Variants in BIN3 observed in about 807,000 individuals in gnomAD.
The protein encoded by BIN3 is bridging integrator 3.
BIN3 carries 41 observed loss-of-function variants against 38.2 expected under a neutral mutation model. That is an observed-to-expected ratio of 1.07 (90% confidence interval 0.84 to 1.39). The LOEUF (loss-of-function observed/expected upper bound fraction) is 1.39. Ranked by LOEUF, BIN3 falls within the 40% of genes most tolerant of loss-of-function variation. BIN3 has a pLI of 0.00. For missense variants in BIN3, 361 were observed against 324.3 expected (o/e 1.11, Z -0.87); for synonymous variants, 145 against 122.6 (o/e 1.18, Z -1.21).
chr8:22,644,687 T>G, intron 2 of BIN3, 68 bp downstream of exon 2: 1 of 1,475,110 alleles, frequency 6.8e-7, no homozygotes, highest in Middle Eastern at 1.7e-4. Flanking sequence ...GATTCAAAGC[T>G]TTGATTCTTA....
At position 22,636,560 on chromosome 8, in the gene BIN3, T is replaced by C. The variant is rs766940903; in HGVS notation, c.125A>G (p.Gln42Arg). The C allele has an allele frequency of 5.8e-5, 90 of 1,552,610 alleles. No individual in the cohort carries two copies. Among genetic ancestry groups the C allele is most frequent in the Admixed American group, 1.8e-4 (9 of 51,110 alleles). Residue 42 changes from glutamine (Q) to arginine (R), a missense_variant, in exon 4 of 9, where the codon CAG becomes CGG. Physicochemically the swap from Gln to Arg is conservative, Grantham distance 43. Transcript: ENST00000276416. ...QQLEEQTRRL[Q>R]KDMKKSTDAD... is the part of the protein sequence containing the mutation. ...GTCGGTGCTCTTCTTCATGTCTTTC[T>C]GCAGCCTCCGGGTCTGCTCTTCCAG...
chr8:22,656,382 CATTTT>C (rs1305279170), intron 1 of BIN3, among the ~76,000 whole-genome samples: 5 of 152,102 alleles, frequency 3.3e-5, no homozygotes, highest in African/African-American at 4.8e-5. Flanking sequence ...TTCTCTGTTT[CATTTT>C]ATCTTCCTGG....
At chr8:22,641,422 G>C (rs918159879) in intron 2 of BIN3, among the ~76,000 whole-genome samples, 17 of 152,178 alleles carry the variant, frequency 1.1e-4, no homozygotes, top group African/African-American at 2.9e-4. Flanking sequence ...TGAAGTGAAT[G>C]AACAGGCTGA....
intron 1 of BIN3, among the ~76,000 whole-genome samples, chr8:22,651,981 T>C (rs1802911071): frequency 6.8e-6 from 1 of 146,050 alleles, no homozygotes; most frequent in Non-Finnish European, 1.5e-5. Context: ...CTAACGCTTC[T>C]ACCAAGTTTT....
chr8:22,630,658 T>C lies in BIN3; in HGVS notation c.161-80A>G, dbSNP rs1045997111. The C allele has an allele frequency of 1.9e-5, 29 of 1,540,914 alleles. 1 individual carries two copies. The highest frequency in any genetic ancestry group is 1.1e-4 in the African/African-American group (8 of 73,484). Reference sequence around the variant, plus strand: ...TTCTCTCCAGGACCCCGTCCTCCTATGCCAGGGGCCTGCACCCTGAAGACC... The same window carrying C: ...TTCTCTCCAGGACCCCGTCCTCCTACGCCAGGGGCCTGCACCCTGAAGACC... On this transcript the variant is annotated intron_variant, in intron 4 of 8. Transcript: ENST00000276416.
intron 4 of BIN3, 33 bp from the exon 5 acceptor site, chr8:22,630,611 T>C (rs1802163626): frequency 1.2e-6 from 2 of 1,612,160 alleles, no homozygotes; most frequent in Non-Finnish European, 1.7e-6. Context: ...GAACCTTCTA[T>C]GAAGGGGCAG....
chr8:22,668,904 A>G, intron 1 of BIN3, 140 bp downstream of exon 1: 6 of 1,103,038 alleles, frequency 5.4e-6, no homozygotes, highest in Non-Finnish European at 6.5e-6. Flanking sequence ...GAACGACCCT[A>G]GGGCAGGGGC....
chr8:22,636,222 G>C (rs1177953897), intron 4 of BIN3, among the ~76,000 whole-genome samples: 1 of 152,220 alleles, frequency 6.6e-6, no homozygotes, highest in Non-Finnish European at 1.5e-5. Context: ...CTGAGCCGGT[G>C]GCCAGGATTC....
At chr8:22,644,657 TC>T in intron 2 of BIN3, 97 bp downstream of exon 2, 1 of 1,256,034 alleles carries the variant, frequency 8.0e-7, no homozygotes, top group Non-Finnish European at 1.1e-6. Context: ...GTTGCTGTCT[TC>T]CCAGCCCCAA....
intron 5 of BIN3, among the ~76,000 whole-genome samples, 168 bp downstream of exon 5, chr8:22,630,274 A>T (rs1001641592): frequency 2.0e-5 from 3 of 152,202 alleles, no homozygotes; most frequent in Non-Finnish European, 4.4e-5. Flanking sequence ...AAGGCAGAAC[A>T]GTCTGGAAAG....
intron 1 of BIN3, among the ~76,000 whole-genome samples, chr8:22,649,256 T>C (rs573297659): frequency 2.6e-5 from 4 of 152,304 alleles, no homozygotes; most frequent in East Asian, 1.9e-4. Context: ...ACCCCACCTA[T>C]ATGGAATGCT....
rs1344020418 is a variant in BIN3, at chr8:22,634,999, T to C, written c.160+1526A>G. Among the ~76,000 whole-genome samples the C allele has an allele frequency of 1.3e-5, 2 of 152,174 alleles. 1 individual carries two copies. Among genetic ancestry groups the C allele is most frequent in the South Asian group, 4.1e-4 (2 of 4,832 alleles). On this transcript the variant is annotated intron_variant, in intron 4 of 8. Coordinates refer to ENST00000276416, the MANE Select transcript of BIN3 (RefSeq NM_018688.6). ...TCTTCACAGCCATAACATGGCATTA[T>C]TCAGCAGCTGGAGTGGCCGAGGGGA...
intron 1 of BIN3, among the ~76,000 whole-genome samples, chr8:22,656,238 T>C (rs1245551685): frequency 2.0e-5 from 3 of 150,426 alleles, no homozygotes; most frequent in Non-Finnish European, 4.4e-5. Context: ...TTTTTTTTTT[T>C]TCATATCCAT....
intron 1 of BIN3, among the ~76,000 whole-genome samples, chr8:22,651,737 AAT>A (rs1328905552): frequency 2.0e-5 from 3 of 152,144 alleles, no homozygotes; most frequent in East Asian, 3.9e-4. Flanking sequence ...ATCTTATAGG[AAT>A]ATATGTTTGT....
chr8:22,634,563 T>C (rs1257053572), intron 4 of BIN3: 1 of 431,926 alleles, frequency 2.3e-6, no homozygotes, highest in African/African-American at 2.3e-5. Flanking sequence ...TCACTGCCTC[T>C]ATTGGGACAT....
At chr8:22,644,211 A>G (rs1165761442) in intron 2 of BIN3, among the ~76,000 whole-genome samples, 1 of 152,244 alleles carries the variant, frequency 6.6e-6, no homozygotes, top group Non-Finnish European at 1.5e-5. Flanking sequence ...CTGGAGATAA[A>G]AACTTTCTAG....
intron 1 of BIN3, among the ~76,000 whole-genome samples, chr8:22,668,558 T>C (rs1282720277): frequency 6.6e-6 from 1 of 152,202 alleles, no homozygotes; most frequent in African/African-American, 2.4e-5. Context: ...CAAGTTTTCC[T>C]TGTCTTTTGA....
At chr8:22,637,996 GA>G (rs1563960042) in intron 2 of BIN3, among the ~76,000 whole-genome samples, 1 of 152,202 alleles carries the variant, frequency 6.6e-6, no homozygotes, top group African/African-American at 2.4e-5. Context: ...AGTGGGAATG[GA>G]ACCCAGGCAG....
chr8:22,645,025 C>T (rs985449756), intron 1 of BIN3: 3 of 496,808 alleles, frequency 6.0e-6, no homozygotes, highest in South Asian at 4.5e-5. Flanking sequence ...ATGCAGGTTG[C>T]TCTGCCCCAG....
Sources: gnomAD v4.1 joint callset for allele counts (sites outside exome capture counted in the v4.1 genomes callset) on GRCh38, gnomAD v4.1.1 for gene constraint, MANE v1.5 for transcripts, NCBI Gene and HGNC (gene_info 2026-07-23, HGNC 2026-07-21) for gene names.